WWOX: variants seen among roughly 807,000 people sequenced by gnomAD.
WWOX encodes WW domain-containing oxidoreductase.
In WWOX, 69 loss-of-function variants were observed where a neutral mutation model predicts 46.2. The ratio of observed to expected loss-of-function variants is 1.49; its 90% CI spans 1.23 to 1.82. The LOEUF (loss-of-function observed/expected upper bound fraction) is 1.82, where lower values mean the gene tolerates loss of function less well. Among genes scored for constraint, WWOX ranks in the 40% most tolerant of loss-of-function variants. The pLI, the probability that WWOX is intolerant of heterozygous loss-of-function variation, is 0.00. For missense variants in WWOX, 919 were observed against 542.6 expected (o/e 1.69, Z -6.89); for synonymous variants, 359 against 202.6 (o/e 1.77, Z -6.56).
At chr16:78,856,838 C>T (rs1358437546) in intron 8 of WWOX, among the ~76,000 whole-genome samples, 1 of 152,074 alleles carries the variant, frequency 6.6e-6, no homozygotes, top group Non-Finnish European at 1.5e-5. Flanking sequence ...CTGAGAAATG[C>T]TTCGTTAGGC....
At position 79,212,375 on chromosome 16, in the gene WWOX, A is replaced by G. The variant is rs1379556829; in HGVS notation, c.*579A>G. 1.9e-6 allele frequency: 1 copy of G among 515,444 alleles called. No homozygotes were observed. Among genetic ancestry groups the G allele is most frequent in the Non-Finnish European group, 3.3e-6 (1 of 299,232 alleles). 31.9% of individuals were successfully genotyped at this position (515,444 alleles called of 1,614,324 possible). A position where few individuals can be genotyped will look rare whatever the true frequency, so the allele number is the denominator to read the frequency against. On this transcript the variant is annotated 3_prime_UTR_variant, in exon 9 of 9. Coordinates refer to ENST00000566780, the MANE Select transcript of WWOX (RefSeq NM_016373.4). The stretch of plus-strand genomic sequence containing the variant: ...GACACCCAGAGGGAGTAGAATACGC[A>G]GAACTACCAGGTGGCAAAGTACTTG...
intron 7 of WWOX, among the ~76,000 whole-genome samples, chr16:78,431,332 T>C (rs1309807780): frequency 2.0e-5 from 3 of 152,224 alleles, no homozygotes; most frequent in Non-Finnish European, 4.4e-5. Flanking sequence ...CTATTGATGG[T>C]ACCTCACCAA....
chr16:79,209,334 T>G (rs1389019394), intron 8 of WWOX, among the ~76,000 whole-genome samples: 1 of 152,080 alleles, frequency 6.6e-6, no homozygotes, highest in Non-Finnish European at 1.5e-5. Context: ...AATGCAAGAG[T>G]GCAACGTGGT....
chr16:79,028,304 T>C (rs1376563075), intron 8 of WWOX, among the ~76,000 whole-genome samples: 2 of 151,840 alleles, frequency 1.3e-5, no homozygotes, highest in African/African-American at 2.4e-5. Flanking sequence ...AAATGGAAAG[T>C]TCCCCTGGAT....
chr16:78,797,633 C>T (rs2737295), intron 8 of WWOX, among the ~76,000 whole-genome samples: 44,785 of 151,976 alleles, frequency 0.29, 8,055 homozygotes, highest in Middle Eastern at 0.45. Flanking sequence ...TAGGAAGATT[C>T]GTCCAGTCTC....
chr16:78,925,038 TAAA>T (rs1311263038), intron 8 of WWOX, among the ~76,000 whole-genome samples: 4 of 151,820 alleles, frequency 2.6e-5, no homozygotes, highest in Non-Finnish European at 4.4e-5. Flanking sequence ...CTACAAAAAA[TAAA>T]AAAGTTAGCC....
chr16:78,102,543 G>C (rs1323571055), intron 1 of WWOX, among the ~76,000 whole-genome samples: 1 of 152,230 alleles, frequency 6.6e-6, no homozygotes, highest in Non-Finnish European at 1.5e-5. Flanking sequence ...GCAAGCTCCT[G>C]AGCGGGCACT....
At chr16:78,468,382 C>G (rs1246221857) in intron 8 of WWOX, among the ~76,000 whole-genome samples, 1 of 151,764 alleles carries the variant, frequency 6.6e-6, no homozygotes, top group African/African-American at 2.4e-5. Flanking sequence ...CTTAACCCCA[C>G]GTATTGTTGC....
chr16:78,908,504 C>T (rs2151251765), intron 8 of WWOX, among the ~76,000 whole-genome samples: 1 of 150,462 alleles, frequency 6.6e-6, no homozygotes, highest in South Asian at 2.1e-4. Flanking sequence ...CACACCACTG[C>T]ACTCCAGCCT....
intron 8 of WWOX, among the ~76,000 whole-genome samples, chr16:78,774,946 G>A (rs1473315210): frequency 6.6e-6 from 1 of 152,150 alleles, no homozygotes; most frequent in Non-Finnish European, 1.5e-5. Context: ...GGGGTCCCCT[G>A]TAGCAGATAT....
intron 5 of WWOX, among the ~76,000 whole-genome samples, chr16:78,269,864 G>A (rs754196124): frequency 1.1e-4 from 16 of 146,958 alleles, no homozygotes; most frequent in South Asian, 2.2e-4. Context: ...AAATGTCACC[G>A]TATTAGTTTT....
rs999103323 is a variant in WWOX at position 78,656,094 on chromosome 16, A to G, written c.1056+223342A>G. 9.8e-5 allele frequency among the ~76,000 whole-genome samples: 15 copies of G among 152,326 alleles called. No individual in the cohort carries two copies. The East Asian group carries it at 2.5e-3, about 25-fold the overall frequency. On this transcript the variant is annotated intron_variant, in intron 8 of 8. Transcript: ENST00000566780. The stretch of plus-strand genomic sequence containing the variant: ...TCTTTCTGATTTGCTTCAGTACAGT[A>G]TGGGATGGGGAAGAATCAAAATTAT...
chr16:78,816,244 A>G (rs1024900729), intron 8 of WWOX, among the ~76,000 whole-genome samples: 5 of 152,212 alleles, frequency 3.3e-5, no homozygotes, highest in African/African-American at 1.2e-4. Flanking sequence ...GAAGCCAGAG[A>G]AAGAGGGCAC....
intron 8 of WWOX, among the ~76,000 whole-genome samples, chr16:79,116,514 CA>C (rs1294013171): frequency 6.6e-6 from 1 of 152,156 alleles, no homozygotes; most frequent in Non-Finnish European, 1.5e-5. Context: ...TGCAAGAAAT[CA>C]CTTTCTTTGC....
intron 8 of WWOX, among the ~76,000 whole-genome samples, chr16:78,812,575 A>G (rs958808204): frequency 1.3e-5 from 2 of 152,036 alleles, no homozygotes; most frequent in African/African-American, 4.8e-5. Flanking sequence ...TAAAAAAAAA[A>G]AATTGCCAGG....
chr16:78,635,118 A>C (rs1403079671), intron 8 of WWOX, among the ~76,000 whole-genome samples: 4 of 152,110 alleles, frequency 2.6e-5, no homozygotes, highest in Non-Finnish European at 4.4e-5. Context: ...TCAGATTTCA[A>C]ATCTAAATGT....
intron 4 of WWOX, among the ~76,000 whole-genome samples, chr16:78,162,926 TTTTG>T (rs1169180630): frequency 1.3e-5 from 2 of 152,168 alleles, no homozygotes; most frequent in Non-Finnish European, 2.9e-5. Flanking sequence ...ATTACTCTTA[TTTTG>T]TTTAAGTTTC....
At chr16:78,677,850 C>G (rs1014676174) in intron 8 of WWOX, among the ~76,000 whole-genome samples, 7 of 152,186 alleles carry the variant, frequency 4.6e-5, no homozygotes, top group African/African-American at 1.4e-4. Context: ...GAGTACAGAA[C>G]CAAACATTTC....
intron 8 of WWOX, among the ~76,000 whole-genome samples, chr16:78,840,351 C>CAT (rs1597703065): frequency 6.6e-6 from 1 of 152,110 alleles, no homozygotes; most frequent in African/African-American, 2.4e-5. Context: ...GGAGAGGAGG[C>CAT]ATGAGGCATG....
Sources: allele counts gnomAD v4.1 joint callset (sites outside exome capture counted in the v4.1 genomes callset), GRCh38; gene constraint gnomAD v4.1.1; transcripts MANE v1.5; gene names NCBI Gene and HGNC (gene_info 2026-07-23, HGNC 2026-07-21).